Variants in KCNB2 observed in about 807,000 individuals in gnomAD.
KCNB2 encodes potassium voltage-gated channel subfamily B member 2, also known as delayed rectifier potassium channel protein.
Under a neutral mutation model 61.5 loss-of-function variants are expected in KCNB2, and 15 were observed. That is an observed-to-expected ratio of 0.24 (90% confidence interval 0.16 to 0.38). The LOEUF (loss-of-function observed/expected upper bound fraction) is 0.38. Ranked by LOEUF, KCNB2 falls within the 10% of genes least tolerant of loss-of-function variation. The pLI is 1.00. For missense variants in KCNB2, 828 were observed against 1,125.2 expected, an observed-to-expected ratio of 0.74 and a Z score of 3.78; for synonymous variants, 457 against 446.0, an observed-to-expected ratio of 1.02 and a Z score of -0.31.
chr8:72,594,381 A>G (rs1473693733), intron 2 of KCNB2, among the ~76,000 whole-genome samples: 2 of 152,202 alleles, frequency 1.3e-5, no homozygotes, highest in African/African-American at 4.8e-5. Flanking sequence ...TCACTAAGAT[A>G]TAAGTCAAAT....
rs1554576119 is a variant in KCNB2 at position 72,561,725 on chromosome 8, ATATC to A, written c.-93-5913_-93-5910del. 4.2e-3 allele frequency among the ~76,000 whole-genome samples: 120 copies of A among 28,318 alleles called. 13 individuals are homozygous for A. The highest frequency in any genetic ancestry group is 5.2e-3 in the Non-Finnish European group (87 of 16,668). 18.6% of individuals were successfully genotyped at this position (28,318 alleles called of 152,430 possible). ...TATATATATATATATATATATATAT[ATATC>A]TATATCTATATATATATGTATATAT... On this transcript the variant is annotated intron_variant, in intron 1 of 2. Coordinates refer to ENST00000523207, the MANE Select transcript of KCNB2 (RefSeq NM_004770.3).
intron 2 of KCNB2, among the ~76,000 whole-genome samples, chr8:72,807,479 T>C (rs148657071): frequency 7.9e-5 from 12 of 152,336 alleles, no homozygotes; most frequent in African/African-American, 2.9e-4. Flanking sequence ...TCACCCTAAG[T>C]AGACATTCGG....
At chr8:72,748,723 CTTTCTT>C (rs1808128561) in intron 2 of KCNB2, among the ~76,000 whole-genome samples, 1 of 146,760 alleles carries the variant, frequency 6.8e-6, no homozygotes, top group Non-Finnish European at 1.5e-5. Flanking sequence ...TTTATTTACT[CTTTCTT>C]ATTTTTATTG....
chr8:72,631,152 C>T (rs1462612440), intron 2 of KCNB2, among the ~76,000 whole-genome samples: 1 of 152,158 alleles, frequency 6.6e-6, no homozygotes, highest in African/African-American at 2.4e-5. Context: ...CTCTTTTTCT[C>T]AGAATATCTT....
intron 2 of KCNB2, among the ~76,000 whole-genome samples, chr8:72,761,196 A>G (rs1281130711): frequency 6.6e-6 from 1 of 152,108 alleles, no homozygotes; most frequent in Non-Finnish European, 1.5e-5. Context: ...TACTCGGAGG[A>G]GATGCTGCCC....
chr8:72,709,779 A>G (rs1657696794), intron 2 of KCNB2, among the ~76,000 whole-genome samples: 1 of 151,984 alleles, frequency 6.6e-6, no homozygotes. Flanking sequence ...AAACCATATC[A>G]CCTTCTTAAA....
chr8:72,829,676 G>A (rs1173430828), intron 2 of KCNB2, among the ~76,000 whole-genome samples: 1 of 151,990 alleles, frequency 6.6e-6, no homozygotes. Context: ...CTGCAGCCTG[G>A]GTTTGGTGCT....
chr8:72,600,938 T>C (rs530329330), intron 2 of KCNB2, among the ~76,000 whole-genome samples: 16 of 151,504 alleles, frequency 1.1e-4, no homozygotes, highest in Non-Finnish European at 1.6e-4. Flanking sequence ...TAAACCCCCA[T>C]GACACGAGTT....
At chr8:72,641,004 G>A (rs1317851394) in intron 2 of KCNB2, among the ~76,000 whole-genome samples, 1 of 152,056 alleles carries the variant, frequency 6.6e-6, no homozygotes, top group Admixed American at 6.6e-5. Context: ...TGGGACAGGA[G>A]GTATGTGTGT....
intron 2 of KCNB2, among the ~76,000 whole-genome samples, chr8:72,625,893 T>C (rs1195136193): frequency 6.6e-6 from 1 of 152,116 alleles, no homozygotes; most frequent in Admixed American, 6.6e-5. Flanking sequence ...ATCAGAACTT[T>C]GCAGTCCCAT....
chr8:72,884,085 G>A (rs1805763139), intron 2 of KCNB2, among the ~76,000 whole-genome samples: 1 of 152,042 alleles, frequency 6.6e-6, no homozygotes, highest in Non-Finnish European at 1.5e-5. Flanking sequence ...CTAGTACTTG[G>A]CATTGTCGAG....
intron 2 of KCNB2, among the ~76,000 whole-genome samples, chr8:72,827,817 T>C (rs1809620699): frequency 1.7e-5 from 1 of 57,784 alleles, no homozygotes. Flanking sequence ...AGTTTCTTTC[T>C]TTTTTTTTTT....
intron 2 of KCNB2, among the ~76,000 whole-genome samples, chr8:72,882,389 A>C (rs953563131): frequency 2.0e-5 from 3 of 152,194 alleles, no homozygotes; most frequent in Non-Finnish European, 4.4e-5. Flanking sequence ...GAGAGTGTAC[A>C]TTGAGGTCAC....
intron 2 of KCNB2, among the ~76,000 whole-genome samples, chr8:72,595,069 C>T (rs1807166254): frequency 6.6e-6 from 1 of 152,042 alleles, no homozygotes; most frequent in African/African-American, 2.4e-5. Flanking sequence ...TACAGATCAG[C>T]CTTGCAGTGT....
intron 2 of KCNB2, among the ~76,000 whole-genome samples, chr8:72,569,394 A>G (rs1006843800): frequency 6.6e-6 from 1 of 152,256 alleles, no homozygotes; most frequent in African/African-American, 2.4e-5. Context: ...TTAAGATTCT[A>G]CATGATAATC....
intron 2 of KCNB2, among the ~76,000 whole-genome samples, chr8:72,851,840 A>AAAAAAC (rs752165025): frequency 7.4e-6 from 1 of 134,462 alleles, no homozygotes; most frequent in African/African-American, 3.0e-5. Context: ...AAAAAAAAAA[A>AAAAAAC]AAAAAAAACA....
intron 2 of KCNB2, among the ~76,000 whole-genome samples, chr8:72,630,494 T>C (rs545634088): frequency 6.6e-6 from 1 of 152,292 alleles, no homozygotes; most frequent in Non-Finnish European, 1.5e-5. Context: ...AAACCACAGA[T>C]GAGAGGGGAC....
In KCNB2 at chr8:72,828,911, G is replaced by A. The variant is rs533335334; in HGVS notation, c.580-107024G>A. Among the ~76,000 whole-genome samples, 11 of 152,182 alleles carry A rather than the reference G, an allele frequency of 7.2e-5. No homozygotes were observed. In the South Asian group the frequency reaches 2.3e-3, roughly 32 times the overall value. ...TATTTCTGATTCAGCCTTATTCAAA[G>A]TATCATAATAAAATATTATTAAATG... On this transcript the variant is annotated intron_variant, in intron 2 of 2. Transcript: ENST00000523207.
At chr8:72,609,942 C>T (rs1180767392) in intron 2 of KCNB2, among the ~76,000 whole-genome samples, 2 of 152,138 alleles carry the variant, frequency 1.3e-5, no homozygotes, top group Admixed American at 1.3e-4. Flanking sequence ...CACAGCTCTC[C>T]CTGGAGTTGT....
Sources: allele counts gnomAD v4.1 joint callset (sites outside exome capture counted in the v4.1 genomes callset), GRCh38; gene constraint gnomAD v4.1.1; transcripts MANE v1.5; gene names NCBI Gene and HGNC (gene_info 2026-07-23, HGNC 2026-07-21).